Variants in PDE1C observed in about 807,000 individuals in gnomAD.
The protein encoded by PDE1C is dual specificity calcium/calmodulin-dependent 3',5'-cyclic nucleotide phosphodiesterase 1C.
PDE1C carries 62 observed loss-of-function variants against 93.1 expected under a neutral mutation model. That is an observed-to-expected ratio of 0.67 (90% CI 0.54 to 0.82). The LOEUF (loss-of-function observed/expected upper bound fraction) is 0.82. Ranked by LOEUF, PDE1C falls within the 40% of genes least tolerant of loss-of-function variation. The pLI is 0.00. For missense variants in PDE1C, 742 were observed against 884.6 expected (o/e 0.84, Z 2.04); for synonymous variants, 325 against 310.1 (o/e 1.05, Z -0.50).
chr7:31,873,928 A>C (rs2128865988), intron 5 of PDE1C, among the ~76,000 whole-genome samples: 1 of 152,324 alleles, frequency 6.6e-6, no homozygotes, highest in East Asian at 1.9e-4. Flanking sequence ...CAATCCCTTG[A>C]CACTATCCAA....
At chr7:31,898,417 T>C (rs913592854) in intron 2 of PDE1C, among the ~76,000 whole-genome samples, 1 of 152,200 alleles carries the variant, frequency 6.6e-6, no homozygotes, top group Admixed American at 6.5e-5. Context: ...TAACACTTAA[T>C]GTATTATAAA....
At chr7:32,250,514 C>G in intron 1 of PDE1C, among the ~76,000 whole-genome samples, 1 of 152,210 alleles carries the variant, frequency 6.6e-6, no homozygotes, top group Middle Eastern at 3.2e-3. Context: ...ACAAACCACA[C>G]TTTGAGAAAC....
Position 31,922,352 on chromosome 7 carries a change from T to C in PDE1C, c.129-41492A>G, listed in dbSNP as rs533136140. On this transcript the variant is annotated intron_variant, in intron 2 of 17. Coordinates refer to ENST00000396191, the MANE Select transcript of PDE1C (RefSeq NM_001191057.4). ...TAAAATTAGAGCCAGGTTTTGCTTA[T>C]AATTTAACAGTCTTTTCCCCATCAT... 3.9e-5 allele frequency among the ~76,000 whole-genome samples: 6 copies of C among 152,364 alleles called. No individual in the cohort carries two copies. In the South Asian group the frequency reaches 8.3e-4, roughly 21 times the overall value.
chr7:32,254,295 C>G (rs1218773391), intron 1 of PDE1C, among the ~76,000 whole-genome samples: 1 of 152,106 alleles, frequency 6.6e-6, no homozygotes, highest in Non-Finnish European at 1.5e-5. Context: ...AGGTGAGGAC[C>G]AAGGCCAGTG....
the PDE1C span, among the ~76,000 whole-genome samples, chr7:31,738,030 C>T: frequency 1.0e-3 from 156 of 152,192 alleles, no homozygotes; most frequent in Non-Finnish European, 1.8e-3. Flanking sequence ...CCTATCCCTG[C>T]CCACCTTTCC....
intron 3 of PDE1C, among the ~76,000 whole-genome samples, chr7:32,116,639 G>A (rs1798999767): frequency 6.6e-6 from 1 of 152,176 alleles, no homozygotes; most frequent in Admixed American, 6.5e-5. Context: ...GGAATGATGA[G>A]CTGTTGGAAA....
chr7:31,651,503 T>C, the PDE1C span, among the ~76,000 whole-genome samples: 2 of 152,150 alleles, frequency 1.3e-5, no homozygotes, highest in African/African-American at 4.8e-5. Context: ...GTCAGGGGCA[T>C]TGACAGCAGG....
chr7:31,704,474 G>A, the PDE1C span, among the ~76,000 whole-genome samples: 775 of 152,314 alleles, frequency 5.1e-3, 8 homozygotes, highest in African/African-American at 0.017. Context: ...TGTATAGAGA[G>A]AGGACGAAGG....
At chr7:31,839,497 T>C (rs1469334124) in intron 9 of PDE1C, among the ~76,000 whole-genome samples, 1 of 152,078 alleles carries the variant, frequency 6.6e-6, no homozygotes, top group East Asian at 1.9e-4. Flanking sequence ...ATCTATATAG[T>C]GGTTCATCAA....
At chr7:31,663,889 TC>T in the PDE1C span, among the ~76,000 whole-genome samples, 1 of 152,214 alleles carries the variant, frequency 6.6e-6, no homozygotes, top group Non-Finnish European at 1.5e-5. Context: ...CTCTTCTTTT[TC>T]CAGGATTACA....
the PDE1C span, among the ~76,000 whole-genome samples, chr7:31,716,957 A>G: frequency 6.6e-6 from 1 of 152,232 alleles, no homozygotes; most frequent in African/African-American, 2.4e-5. Flanking sequence ...ATTTGTCGAG[A>G]GGAAGCAACA....
intron 16 of PDE1C, among the ~76,000 whole-genome samples, chr7:31,791,174 A>T (rs554013800): frequency 6.6e-6 from 1 of 152,276 alleles, no homozygotes; most frequent in Admixed American, 6.5e-5. Flanking sequence ...ACTCATTGGG[A>T]GATAGGAGAA....
At chr7:32,127,897 A>C (rs1283280006) in intron 3 of PDE1C, among the ~76,000 whole-genome samples, 1 of 152,028 alleles carries the variant, frequency 6.6e-6, no homozygotes, top group Non-Finnish European at 1.5e-5. Flanking sequence ...AAATGTATAC[A>C]TTCATTATGT....
chr7:32,391,183 A>T (rs957488835), intron 1 of PDE1C, among the ~76,000 whole-genome samples: 10 of 152,232 alleles, frequency 6.6e-5, no homozygotes, highest in African/African-American at 2.4e-4. Flanking sequence ...AAGTTTAAAA[A>T]TGGAAAAAGA....
the PDE1C span, among the ~76,000 whole-genome samples, chr7:31,731,866 T>C: frequency 6.6e-5 from 10 of 152,184 alleles, no homozygotes; most frequent in Admixed American, 3.9e-4. Context: ...CCCAGAGTCC[T>C]TGAGTGACTA....
chr7:32,408,265 A>G (rs1222152562), intron 1 of PDE1C, among the ~76,000 whole-genome samples: 1 of 152,210 alleles, frequency 6.6e-6, no homozygotes, highest in Non-Finnish European at 1.5e-5. Context: ...CTACACTCAC[A>G]ATCTTGAGTC....
At chr7:32,030,942 G>C (rs919953191) in intron 2 of PDE1C, among the ~76,000 whole-genome samples, 4 of 151,802 alleles carry the variant, frequency 2.6e-5, no homozygotes, top group Non-Finnish European at 4.4e-5. Context: ...TCTGCAACAA[G>C]AGGCATATCC....
intron 2 of PDE1C, among the ~76,000 whole-genome samples, chr7:32,045,562 G>C (rs935282198): frequency 6.6e-6 from 1 of 152,150 alleles, no homozygotes; most frequent in African/African-American, 2.4e-5. Flanking sequence ...TAGAATGCAG[G>C]ATTGGTTGTG....
At chr7:31,685,086 A>C in the PDE1C span, among the ~76,000 whole-genome samples, 1 of 151,934 alleles carries the variant, frequency 6.6e-6, no homozygotes, top group African/African-American at 2.4e-5. Flanking sequence ...TGACACACAC[A>C]ACAACCTGAA....
Sources: allele counts gnomAD v4.1 joint callset (sites outside exome capture counted in the v4.1 genomes callset), GRCh38; gene constraint gnomAD v4.1.1; transcripts MANE v1.5; gene names NCBI Gene and HGNC (gene_info 2026-07-23, HGNC 2026-07-21).